IMPG1: variants seen among roughly 807,000 people sequenced by gnomAD.
IMPG1 encodes the protein interphotoreceptor matrix proteoglycan of 150 kDa.
Under a neutral mutation model 92.0 loss-of-function variants are expected in IMPG1, and 85 were observed. The observed-to-expected ratio is 0.92, with a 90% CI of 0.78 to 1.11. IMPG1 has a LOEUF of 1.11. Among genes scored for constraint, IMPG1 ranks in the 50% least tolerant of loss-of-function variants. IMPG1 has a pLI of 0.00. For missense variants in IMPG1, 1,022 were observed against 956.0 expected, an observed-to-expected ratio of 1.07 and a Z score of -0.91; for synonymous variants, 367 against 334.1, an observed-to-expected ratio of 1.10 and a Z score of -1.08.
At chr6:76,037,872 C>G (rs1259701152) in intron 2 of IMPG1, among the ~76,000 whole-genome samples, 1 of 152,242 alleles carries the variant, frequency 6.6e-6, no homozygotes, top group African/African-American at 2.4e-5. Context: ...TATTATGTGA[C>G]AATCTCTTCT....
At chr6:75,938,809 C>CACAAAACAAAACAAA (rs1392150295) in intron 14 of IMPG1, among the ~76,000 whole-genome samples, 1 of 73,376 alleles carries the variant, frequency 1.4e-5, no homozygotes, top group Non-Finnish European at 3.0e-5. Flanking sequence ...CAGGCTCCAT[C>CACAAAACAAAACAAA]TCAAAACAAA....
Position 76,042,032 on chromosome 6 carries a change from C to T in IMPG1, c.162G>A (p.Met54Ile), listed in dbSNP as rs376665994. 2.5e-5 allele frequency: 41 copies of T among 1,612,258 alleles called. No individual in the cohort carries two copies. In the African/African-American group the frequency reaches 3.9e-4, roughly 15 times the overall value. ...AATCGAATATTCGTCTCATAGTTGA[C>T]ATTTTGTACATTTTTTCAGTACTTT... Reference protein sequence around the residue: ...TTESTEKMYKMSTMRRIFDLA... With the variant: ...TTESTEKMYKISTMRRIFDLA... Residue 54 changes from methionine (M) to isoleucine (I), a missense_variant, in exon 2 of 17, where the codon ATG becomes ATA. Around this residue, in one of 3 missense-constraint regions of IMPG1, gnomAD observed 681 missense variants for 583.6 expected, o/e 1.17. Transcript: ENST00000369950.
intron 2 of IMPG1, among the ~76,000 whole-genome samples, chr6:76,038,369 T>A (rs532503861): frequency 2.0e-5 from 3 of 152,282 alleles, no homozygotes; most frequent in Admixed American, 1.3e-4. Context: ...GGAATCATAA[T>A]GTTAAGGATG....
intron 6 of IMPG1, 55 bp downstream of exon 6, chr6:76,022,061 C>T (rs1179996604): frequency 4.1e-6 from 4 of 965,772 alleles, no homozygotes; most frequent in Non-Finnish European, 6.6e-6. Context: ...TCCTGTTTTG[C>T]TAAAGAACAA....
intron 14 of IMPG1, among the ~76,000 whole-genome samples, chr6:75,943,042 G>A (rs1227761110): frequency 1.3e-5 from 2 of 152,168 alleles, no homozygotes; most frequent in African/African-American, 2.4e-5. Flanking sequence ...CAATGGTGGT[G>A]AGAATTTTTG....
chr6:76,020,142 T>C (rs1292242462), intron 6 of IMPG1, among the ~76,000 whole-genome samples: 1 of 152,044 alleles, frequency 6.6e-6, no homozygotes, highest in Non-Finnish European at 1.5e-5. Flanking sequence ...AGCCTCAACC[T>C]CCCGGGCTCA....
chr6:76,066,789 C>T (rs1784317732), intron 1 of IMPG1, among the ~76,000 whole-genome samples: 1 of 151,968 alleles, frequency 6.6e-6, no homozygotes, highest in Non-Finnish European at 1.5e-5. Flanking sequence ...CAAGAAAAAC[C>T]GTATGTCAGA....
rs561610396 is a variant in IMPG1, at chr6:76,040,214, G to A, written c.301+1679C>T. Among the ~76,000 whole-genome samples the A allele has an allele frequency of 2.6e-5, 4 of 152,294 alleles. No homozygotes were observed. In the East Asian group the frequency reaches 7.7e-4, roughly 29 times the overall value. ...TTGTTTCATCCAGGGAAACAAGAAT[G>A]AAAGAGGCAACCTAATCAAGAATAA... On this transcript the variant is annotated intron_variant, in intron 2 of 16. Coordinates refer to ENST00000369950, the MANE Select transcript of IMPG1 (RefSeq NM_001563.4).
chr6:75,948,379 T>C (rs1251365091), intron 13 of IMPG1, among the ~76,000 whole-genome samples: 1 of 152,128 alleles, frequency 6.6e-6, no homozygotes, highest in African/African-American at 2.4e-5. Context: ...GCCTCCTCAT[T>C]CATGAATTGT....
At chr6:75,998,633 C>G (rs1216300168) in intron 12 of IMPG1, among the ~76,000 whole-genome samples, 1 of 152,124 alleles carries the variant, frequency 6.6e-6, no homozygotes, top group Non-Finnish European at 1.5e-5. Flanking sequence ...AAAAAGTCTG[C>G]AATTTGGGAG....
intron 7 of IMPG1, among the ~76,000 whole-genome samples, chr6:76,018,032 C>T (rs991390615): frequency 3.9e-5 from 6 of 152,140 alleles, no homozygotes; most frequent in Non-Finnish European, 2.9e-5. Context: ...CATGAGCCAC[C>T]GCGGTTGGCA....
chr6:75,988,735 C>T (rs1453252001), intron 12 of IMPG1, among the ~76,000 whole-genome samples: 6 of 152,164 alleles, frequency 3.9e-5, no homozygotes, highest in African/African-American at 1.4e-4. Flanking sequence ...AGCAGGTCCT[C>T]TTTCCCACCT....
intron 15 of IMPG1, among the ~76,000 whole-genome samples, chr6:75,928,104 A>C (rs59560341): frequency 6.6e-6 from 1 of 151,982 alleles, no homozygotes; most frequent in Non-Finnish European, 1.5e-5. Context: ...AACGGAATAC[A>C]TTCCTGTTCA....
At chr6:76,068,671 C>T (rs1332018745) in intron 1 of IMPG1, among the ~76,000 whole-genome samples, 1 of 151,220 alleles carries the variant, frequency 6.6e-6, no homozygotes. Context: ...CACCCATCAC[C>T]ATGCCTGGCT....
At chr6:75,922,470 A>G (rs1781446563) in intron 16 of IMPG1, among the ~76,000 whole-genome samples, 1 of 152,208 alleles carries the variant, frequency 6.6e-6, no homozygotes, top group Non-Finnish European at 1.5e-5. Context: ...TTAGTGTATT[A>G]TAGCATGCTT....
intron 3 of IMPG1, 39 bp from the exon 4 acceptor site, chr6:76,034,382 G>A: frequency 6.3e-7 from 1 of 1,576,516 alleles, no homozygotes; most frequent in Non-Finnish European, 8.7e-7. Context: ...TTTACCAGGA[G>A]ATAATGCCAA....
At chr6:76,041,254 G>A (rs912934878) in intron 2 of IMPG1, among the ~76,000 whole-genome samples, 22 of 152,296 alleles carry the variant, frequency 1.4e-4, no homozygotes, top group African/African-American at 5.1e-4. Context: ...TTCTGGCAAT[G>A]CCATCAGAAT....
intron 1 of IMPG1, among the ~76,000 whole-genome samples, chr6:76,065,443 G>A (rs539104847): frequency 6.6e-6 from 1 of 152,206 alleles, no homozygotes; most frequent in South Asian, 2.1e-4. Context: ...ATTACAAAAT[G>A]CTGTAAAAAG....
At chr6:75,977,567 A>G (rs1463476111) in intron 12 of IMPG1, among the ~76,000 whole-genome samples, 1 of 150,682 alleles carries the variant, frequency 6.6e-6, no homozygotes, top group East Asian at 2.0e-4. Flanking sequence ...AGCCTGGGCA[A>G]CAAGAGTGAA....
Sources: allele counts gnomAD v4.1 joint callset (sites outside exome capture counted in the v4.1 genomes callset), GRCh38; gene constraint gnomAD v4.1.1; regional missense constraint gnomAD v4.1.1; transcripts MANE v1.5; gene names NCBI Gene and HGNC (gene_info 2026-07-23, HGNC 2026-07-21).